Variants in FHOD3 observed in about 807,000 individuals in gnomAD.
The protein encoded by FHOD3 is FH1/FH2 domain-containing protein 3.
A neutral mutation model predicts 173.0 loss-of-function variants in FHOD3; 90 were observed. The ratio of observed to expected loss-of-function variants is 0.52; its 90% confidence interval spans 0.44 to 0.62. The LOEUF is 0.62. Among genes scored for constraint, FHOD3 ranks in the 20% least tolerant of loss-of-function variants. The pLI, the probability that FHOD3 is intolerant of heterozygous loss-of-function variation, is 0.00. For synonymous variants in FHOD3, 828 were observed against 823.0 expected, an observed-to-expected ratio of 1.01 and a Z score of -0.10; for missense variants, 1,945 against 2,034.7, an observed-to-expected ratio of 0.96 and a Z score of 0.85.
chr18:36,575,780 A>C (rs1366719234), intron 5 of FHOD3, among the ~76,000 whole-genome samples: 2 of 152,200 alleles, frequency 1.3e-5, no homozygotes, highest in Non-Finnish European at 2.9e-5. Flanking sequence ...TTACTTAAAA[A>C]ACATAGCTAG....
intron 5 of FHOD3, among the ~76,000 whole-genome samples, chr18:36,527,130 G>A (rs982206246): frequency 1.1e-4 from 17 of 152,286 alleles, no homozygotes; most frequent in Admixed American, 3.9e-4. Context: ...GATTCCTGGT[G>A]GAGGGGCCCT....
intron 1 of FHOD3, among the ~76,000 whole-genome samples, chr18:36,309,219 A>G (rs1463786485): frequency 1.3e-5 from 2 of 152,026 alleles, no homozygotes; most frequent in Non-Finnish European, 2.9e-5. Flanking sequence ...TCTCACTTGT[A>G]CTGTTCCTAA....
chr18:36,325,532 A>AC (rs1034904962), intron 1 of FHOD3, among the ~76,000 whole-genome samples: 1 of 152,170 alleles, frequency 6.6e-6, no homozygotes, highest in African/African-American at 2.4e-5. Context: ...GAGCCTGAGG[A>AC]CCAGGAAGCA....
intron 11 of FHOD3, among the ~76,000 whole-genome samples, chr18:36,650,931 G>C (rs142381700): frequency 6.6e-6 from 1 of 152,334 alleles, no homozygotes; most frequent in African/African-American, 2.4e-5. Flanking sequence ...CTTTACCAGA[G>C]ACCATTAGGC....
intron 22 of FHOD3, 69 bp from the exon 23 acceptor site, chr18:36,743,963 C>T (rs2042029839): frequency 6.4e-7 from 1 of 1,553,778 alleles, no homozygotes; most frequent in Admixed American, 1.8e-5. Flanking sequence ...AAGAATTGAT[C>T]CTAACCATCC....
rs1364814117 is a variant in FHOD3 at position 36,502,254 on chromosome 18, T to TA, written c.405+257dup. ...ATTTACTTCTAGTTTTTTTTTTTTT[T>TA]AACTATTATTATACTTTAAGTTCTG... On this transcript the variant is annotated intron_variant, in intron 4 of 28. Transcript: ENST00000590592. Among the ~76,000 whole-genome samples, 6 of 147,724 alleles carry TA rather than the reference T, an allele frequency of 4.1e-5. No homozygotes were observed. The East Asian group carries it at 1.2e-3, about 29-fold the overall frequency.
intron 3 of FHOD3, among the ~76,000 whole-genome samples, chr18:36,481,374 C>T (rs766324590): frequency 1.6e-4 from 24 of 151,918 alleles, no homozygotes; most frequent in Non-Finnish European, 1.9e-4. Flanking sequence ...GGGAGTATTA[C>T]CATATGGTCC....
chr18:36,545,808 T>A (rs987071746), intron 5 of FHOD3, among the ~76,000 whole-genome samples: 4 of 152,206 alleles, frequency 2.6e-5, no homozygotes, highest in African/African-American at 4.8e-5. Flanking sequence ...CTTTTTGATA[T>A]GTGGAAATGA....
In FHOD3 at chr18:36,693,322, C is replaced by T; in HGVS notation, c.2135C>T (p.Pro712Leu). The change falls in exon 17 of 29, where the codon CCA becomes CTA. Residue 712 changes from proline to leucine, a missense_variant. Pro to Leu is a moderately conservative substitution (Grantham distance 98). Around this residue, in one of 5 missense-constraint regions of FHOD3, gnomAD observed 1,099 missense variants for 1,051.2 expected, o/e 1.05. Coordinates refer to ENST00000590592, the MANE Select transcript of FHOD3 (RefSeq NM_001281740.3). ...LSLDLTSPAA[P>L]ACLAPLSHSP... ...TTGGACCTGACCTCGCCAGCAGCCC[C>T]AGCCTGCCTGGCTCCTCTGAGCCAT... 1 of 1,613,906 alleles carries T rather than the reference C, an allele frequency of 6.2e-7. No homozygotes were observed. Among genetic ancestry groups the T allele is most frequent in the Non-Finnish European group, 8.5e-7 (1 of 1,179,834 alleles).
intron 2 of FHOD3, among the ~76,000 whole-genome samples, chr18:36,369,215 G>A (rs1039612333): frequency 6.6e-6 from 1 of 152,086 alleles, no homozygotes; most frequent in Non-Finnish European, 1.5e-5. Flanking sequence ...TAAAATGATT[G>A]TCTTTAAACA....
intron 14 of FHOD3, among the ~76,000 whole-genome samples, chr18:36,674,441 G>A (rs539638876): frequency 2.6e-5 from 4 of 152,228 alleles, no homozygotes; most frequent in Admixed American, 6.5e-5. Context: ...ATGCAGTGGC[G>A]TGATCATAGC....
At position 36,681,444 on chromosome 18, in the gene FHOD3, C is replaced by A. The variant is rs199579476; in HGVS notation, c.1844C>A (p.Pro615Gln). The change falls in exon 15 of 29, where the codon CCG becomes CAG. Residue 615 changes from proline (P) to glutamine (Q), a missense_variant. Physicochemically the swap from Pro to Gln is moderately conservative, Grantham distance 76 (BLOSUM62 -1). Around this residue, in one of 5 missense-constraint regions of FHOD3, gnomAD observed 1,099 missense variants for 1,051.2 expected, o/e 1.05. Coordinates refer to ENST00000590592, the MANE Select transcript of FHOD3 (RefSeq NM_001281740.3). ...ACTCATTGTATCTCCAGGTCATCAC[C>A]GAGTGGTCTTCTCACATCATCCTTC... The part of the protein sequence containing the change: ...PQEARLERSS[P>Q]SGLLTSSFRQ... The A allele has an allele frequency of 1.9e-6, 3 of 1,613,600 alleles. No individual in the cohort carries two copies. Among genetic ancestry groups the A allele is most frequent in the Non-Finnish European group, 2.5e-6 (3 of 1,179,832 alleles).
intron 3 of FHOD3, among the ~76,000 whole-genome samples, chr18:36,448,512 T>G (rs2051631693): frequency 6.6e-6 from 1 of 152,112 alleles, no homozygotes; most frequent in South Asian, 2.1e-4. Flanking sequence ...TGGACAGTGG[T>G]GGGTTGCATC....
intron 28 of FHOD3, among the ~76,000 whole-genome samples, chr18:36,776,965 A>G (rs2043703775): frequency 6.6e-6 from 1 of 152,216 alleles, no homozygotes; most frequent in Non-Finnish European, 1.5e-5. Context: ...ATTAATATTT[A>G]TATCAACTGA....
intron 3 of FHOD3, among the ~76,000 whole-genome samples, chr18:36,379,884 A>G (rs988485189): frequency 6.6e-6 from 1 of 152,360 alleles, no homozygotes; most frequent in African/African-American, 2.4e-5. Context: ...AGGAAACAAA[A>G]TGCTTTGTCT....
chr18:36,542,774 T>G (rs556207449), intron 5 of FHOD3, among the ~76,000 whole-genome samples: 20 of 152,296 alleles, frequency 1.3e-4, no homozygotes, highest in Middle Eastern at 3.4e-3. Context: ...TCTGACTTGC[T>G]GGGACACCTG....
rs2054853606 is a variant in FHOD3 at position 36,498,395 on chromosome 18, T to C, written c.338-3537T>C. ...ACCTCTAATGAAATCAATAGCTGATTCTTGAAAAAGGCTAAAATAAAATTG... is the reference window on the plus strand; with the variant it reads ...ACCTCTAATGAAATCAATAGCTGATCCTTGAAAAAGGCTAAAATAAAATTG... On this transcript the variant is annotated intron_variant, in intron 3 of 28. Transcript: ENST00000590592. Among the ~76,000 whole-genome samples, 7 of 152,150 alleles carry C rather than the reference T, an allele frequency of 4.6e-5. No homozygotes were observed. The South Asian group carries it at 1.2e-3, about 27-fold the overall frequency.
At chr18:36,743,961 A>G (rs111817465) in intron 22 of FHOD3, 71 bp from the exon 23 acceptor site, 5 of 1,546,922 alleles carry the variant, frequency 3.2e-6, no homozygotes, top group African/African-American at 1.4e-5. Flanking sequence ...CCAAGAATTG[A>G]TCCTAACCAT....
At chr18:36,434,428 C>A (rs2147298702) in intron 3 of FHOD3, among the ~76,000 whole-genome samples, 1 of 152,280 alleles carries the variant, frequency 6.6e-6, no homozygotes, top group Admixed American at 6.5e-5. Flanking sequence ...TGTGTTCATG[C>A]TTAGGCCGAT....
Sources: gnomAD v4.1 joint callset for allele counts (sites outside exome capture counted in the v4.1 genomes callset) on GRCh38, gnomAD v4.1.1 for gene constraint, gnomAD v4.1.1 regional missense constraint, MANE v1.5 for transcripts, NCBI Gene and HGNC (gene_info 2026-07-23, HGNC 2026-07-21) for gene names.